The following TRPA1 variants were observed in gnomAD, a reference collection of about 807,000 sequenced individuals.
The protein encoded by TRPA1 is ankyrin-like with transmembrane domains 1.
Under a neutral mutation model 131.3 loss-of-function variants are expected in TRPA1, and 129 were observed. The observed-to-expected ratio is 0.98, with a 90% CI of 0.85 to 1.14. The LOEUF (loss-of-function observed/expected upper bound fraction) is 1.14, where lower values mean the gene tolerates loss of function less well. Ranked by LOEUF, TRPA1 falls within the 50% of genes most tolerant of loss-of-function variation. The pLI, the probability that TRPA1 is intolerant of heterozygous loss-of-function variation, is 0.00. For synonymous variants in TRPA1, 441 were observed against 451.7 expected, an observed-to-expected ratio of 0.98 and a Z score of 0.30; for missense variants, 1,304 against 1,354.2, an observed-to-expected ratio of 0.96 and a Z score of 0.58.
At chr8:72,086,990 TCTCA>T in the TRPA1 span, among the ~76,000 whole-genome samples, 1 of 151,826 alleles carries the variant, frequency 6.6e-6, no homozygotes, top group East Asian at 1.9e-4. Flanking sequence ...AGTACCAGAG[TCTCA>T]CTCTCATTAA....
intron 13 of TRPA1, chr8:72,053,001 TA>T (rs1805557829): frequency 9.2e-5 from 18 of 196,112 alleles, no homozygotes; most frequent in South Asian, 4.5e-4. Context: ...GTGTGAGAGA[TA>T]GAGAAAGAGA....
the TRPA1 span, among the ~76,000 whole-genome samples, chr8:72,082,114 C>T: frequency 0.88 from 134,459 of 151,942 alleles, 59,678 homozygotes; most frequent in African/African-American, 0.94. Flanking sequence ...TTTAATTCAT[C>T]GGTAGATTGT....
Position 72,065,593 on chromosome 8 carries a change from G to T in TRPA1, c.445-35C>A, listed in dbSNP as rs772532236. On this transcript the variant is annotated intron_variant, in intron 3 of 26. Coordinates refer to ENST00000262209, the MANE Select transcript of TRPA1 (RefSeq NM_007332.3). Reference sequence around the variant, plus strand: ...GGGGAGAATAATTGTCAAAATTTTTGCAGATTTCCAAATAAGGTACTTGCC... The same window carrying T: ...GGGGAGAATAATTGTCAAAATTTTTTCAGATTTCCAAATAAGGTACTTGCC... The T allele has an allele frequency of 1.9e-6, 3 of 1,565,466 alleles. No homozygotes were observed. The East Asian group carries it at 6.8e-5, about 35-fold the overall frequency.
At chr8:72,061,390 T>C (rs1327333572) in intron 7 of TRPA1, among the ~76,000 whole-genome samples, 2 of 152,226 alleles carry the variant, frequency 1.3e-5, no homozygotes, top group Admixed American at 1.3e-4. Context: ...TCCACTGGAC[T>C]TGAATCAGAA....
chr8:72,028,259 A>T (rs76499873), intron 24 of TRPA1, among the ~76,000 whole-genome samples: 2,292 of 152,334 alleles, frequency 0.015, 80 homozygotes, highest in African/African-American at 0.052. Flanking sequence ...AACTTGAAGC[A>T]CTTCATCATT....
chr8:72,030,560 C>T (rs1326379844), intron 23 of TRPA1, among the ~76,000 whole-genome samples: 1 of 152,126 alleles, frequency 6.6e-6, no homozygotes, highest in Admixed American at 6.5e-5. Flanking sequence ...GTTATGAAAA[C>T]TTAAGACATA....
At chr8:72,063,600 C>T (rs2129436223) in intron 4 of TRPA1, 29 bp from the exon 5 acceptor site, 1 of 1,537,098 alleles carries the variant, frequency 6.5e-7, no homozygotes, top group Non-Finnish European at 9.0e-7. Context: ...TGAAAAATGA[C>T]ACCAGTTAAA....
chr8:72,030,477 T>C lies in TRPA1; in HGVS notation c.2869-508A>G, dbSNP rs181910314. Among the ~76,000 whole-genome samples, 387 of 152,300 alleles carry C rather than the reference T, an allele frequency of 2.5e-3. 4 individuals carry two copies. Among genetic ancestry groups the C allele is most frequent in the African/African-American group, 8.4e-3 (350 of 41,578 alleles). The stretch of plus-strand genomic sequence containing the variant: ...CTGCAGAATACTTTGGTAATACACC[T>C]TACAGAAAACTACAAGGCCTATATA... On this transcript the variant is annotated intron_variant, in intron 23 of 26. Coordinates refer to ENST00000262209, the MANE Select transcript of TRPA1 (RefSeq NM_007332.3).
chr8:72,051,021 C>G, intron 14 of TRPA1, 150 bp from the exon 15 acceptor site: 1 of 613,970 alleles, frequency 1.6e-6, no homozygotes, highest in Non-Finnish European at 2.9e-6. Flanking sequence ...ATGGAACCAA[C>G]ATGTAAAGCA....
At chr8:72,083,755 A>G in the TRPA1 span, among the ~76,000 whole-genome samples, 1 of 151,174 alleles carries the variant, frequency 6.6e-6, no homozygotes, top group African/African-American at 2.5e-5. Flanking sequence ...AACAAAAACA[A>G]AAAACGAACA....
intron 15 of TRPA1, among the ~76,000 whole-genome samples, chr8:72,048,158 G>T (rs1454830117): frequency 6.6e-6 from 1 of 152,136 alleles, no homozygotes; most frequent in African/African-American, 2.4e-5. Context: ...CCTCTATGGT[G>T]TGTGGGAACA....
At chr8:72,038,259 C>A (rs892437984) in intron 19 of TRPA1, among the ~76,000 whole-genome samples, 187 bp from the exon 20 acceptor site, 2 of 151,316 alleles carry the variant, frequency 1.3e-5, no homozygotes. Context: ...GATGAACACA[C>A]CCTCATTTAG....
chr8:72,061,685 T>G lies in TRPA1; in HGVS notation c.884A>C (p.Tyr295Ser). 1.2e-6 allele frequency: 2 copies of G among 1,614,074 alleles called. No individual in the cohort carries two copies. Among genetic ancestry groups the G allele is most frequent in the Non-Finnish European group, 1.7e-6 (2 of 1,179,960 alleles). ...TEIVKLMISSYSGSVDIVNTT... is the reference protein window; with the variant it reads ...TEIVKLMISSSSGSVDIVNTT... Reference sequence around the variant, plus strand: ...GTTAACAATATCCACGCTACCAGAATAGGACGATATCATCAGTTTAACAAT... The same window carrying G: ...GTTAACAATATCCACGCTACCAGAAGAGGACGATATCATCAGTTTAACAAT... The change falls in exon 7 of 27, where the codon TAT becomes TCT. Residue 295 changes from tyrosine to serine, a missense_variant. By Grantham distance (144) the Tyr-to-Ser change is moderately radical. Coordinates refer to ENST00000262209, the MANE Select transcript of TRPA1 (RefSeq NM_007332.3).
At chr8:72,058,211 A>G (rs1805721629) in intron 8 of TRPA1, among the ~76,000 whole-genome samples, 1 of 152,206 alleles carries the variant, frequency 6.6e-6, no homozygotes, top group South Asian at 2.1e-4. Flanking sequence ...TTTAAGAAAC[A>G]TTTACAAAAC....
In TRPA1 at chr8:72,022,154, T is replaced by C. The variant is rs192271519; in HGVS notation, c.*752A>G. On this transcript the variant is annotated 3_prime_UTR_variant, in exon 27 of 27. Transcript: ENST00000262209. ...AAAGGGAATATGTGATGGAGCCATG[T>C]TGTTTTCAAATCTCAAACAAAGGCT... 0.021 allele frequency: 3,188 copies of C among 152,184 alleles called. 68 individuals carry two copies. Among genetic ancestry groups the C allele is most frequent in the Non-Finnish European group, 0.027 (1,870 of 68,140 alleles). The allele number at this position is 152,184 out of a possible 1,614,324, so 9.4% of individuals were successfully genotyped here. A position where few individuals can be genotyped will look rare whatever the true frequency, so the allele number is the denominator to read the frequency against.
At chr8:72,079,807 A>G (rs1282150802), upstream of TRPA1, among the ~76,000 whole-genome samples, 1 of 151,888 alleles carries the variant, frequency 6.6e-6, no homozygotes, top group Non-Finnish European at 1.5e-5. Flanking sequence ...GTATATTTTC[A>G]GTTTATATAT....
chr8:72,063,532 C>T lies in TRPA1; in HGVS notation c.592G>A (p.Gly198Arg), dbSNP rs531375202. The T allele has an allele frequency of 6.2e-7, 1 of 1,613,706 alleles. No individual in the cohort carries two copies. Among genetic ancestry groups the T allele is most frequent in the Non-Finnish European group, 8.5e-7 (1 of 1,179,826 alleles). The change falls in exon 5 of 27, where the codon GGA becomes AGA. Residue 198 changes from glycine (G) to arginine (R), a missense_variant. Transcript: ENST00000262209. Reference protein sequence around the residue: ...GAKPCKSNKWGCFPIHQAAFS... With the variant: ...GAKPCKSNKWRCFPIHQAAFS... ...GCAGCTTGGTGAATAGGGAAACATC[C>T]CCATTTATTTGATTTACATGGCTTA...
Position 72,071,797 on chromosome 8 carries a change from T to G in TRPA1, c.182A>C (p.Asp61Ala), listed in dbSNP as rs1806068230. The G allele has an allele frequency of 6.2e-7, 1 of 1,613,422 alleles. No homozygotes were observed. The highest frequency in any genetic ancestry group is 1.3e-5 in the African/African-American group (1 of 74,920). ...NKQKKLKRCD[D>A]MDTFFLHYAA... ...ATAATGCAAGAAGAAGGTGTCCATATCGTCACATCTTTTTAATTTCTTTTG... is the reference window on the plus strand; with the variant it reads ...ATAATGCAAGAAGAAGGTGTCCATAGCGTCACATCTTTTTAATTTCTTTTG... Residue 61 changes from aspartate to alanine, a missense_variant, in exon 2 of 27, where the codon GAT becomes GCT. Asp to Ala is a moderately radical substitution (Grantham distance 126). Coordinates refer to ENST00000262209, the MANE Select transcript of TRPA1 (RefSeq NM_007332.3).
intron 13 of TRPA1, 152 bp from the exon 14 acceptor site, chr8:72,052,917 T>C (rs532156411): frequency 1.2e-6 from 1 of 819,722 alleles, no homozygotes; most frequent in East Asian, 2.8e-5. Flanking sequence ...TTCAAAATAA[T>C]GAGTTTATAG....
Sources: allele counts gnomAD v4.1 joint callset (sites outside exome capture counted in the v4.1 genomes callset), GRCh38; gene constraint gnomAD v4.1.1; transcripts MANE v1.5; gene names NCBI Gene and HGNC (gene_info 2026-07-23, HGNC 2026-07-21).